Variants in SLC6A13 observed in about 807,000 individuals in gnomAD.
SLC6A13 encodes sodium- and chloride-dependent GABA transporter 2.
A neutral mutation model predicts 72.9 loss-of-function variants in SLC6A13; 69 were observed. That is an observed-to-expected ratio of 0.95 (90% CI 0.78 to 1.16). SLC6A13 has a LOEUF of 1.16. SLC6A13 is among the 50% of genes most tolerant of loss of function. The pLI, the probability that SLC6A13 is intolerant of heterozygous loss-of-function variation, is 0.00. For synonymous variants in SLC6A13, 303 were observed against 303.0 expected (o/e 1.00, Z 0.00); for missense variants, 735 against 760.5 (o/e 0.97, Z 0.39).
intron 12 of SLC6A13, 142 bp from the exon 13 acceptor site, chr12:222,774 G>A (rs1941268629): frequency 1.7e-6 from 1 of 598,252 alleles, no homozygotes; most frequent in Non-Finnish European, 3.0e-6. Context: ...GTCGTTGCTG[G>A]GAAAAAGCTC....
chr12:243,186 T>C (rs1942230551), intron 3 of SLC6A13, among the ~76,000 whole-genome samples: 1 of 152,106 alleles, frequency 6.6e-6, no homozygotes, highest in South Asian at 2.1e-4. Context: ...ATTTTTTGTA[T>C]TTTTTGTATT....
At chr12:241,626 G>A (rs892546642) in intron 4 of SLC6A13, among the ~76,000 whole-genome samples, 8 of 152,222 alleles carry the variant, frequency 5.3e-5, no homozygotes, top group Non-Finnish European at 7.3e-5. Context: ...GGGACTGCCC[G>A]TGAAAGGTAA....
chr12:246,344 A>T (rs1942350193), intron 2 of SLC6A13, among the ~76,000 whole-genome samples: 1 of 152,026 alleles, frequency 6.6e-6, no homozygotes, highest in African/African-American at 2.4e-5. Flanking sequence ...TAAATAAATT[A>T]TCCAGCAACC....
In SLC6A13 at chr12:227,663, C is replaced by T. The variant is rs1408487689; in HGVS notation, c.837G>A (p.Trp279Ter). The change falls in exon 8 of 15, where the codon TGG (tryptophan) becomes TGA (stop). Residue 279 changes from tryptophan to a stop codon, truncating the protein, a stop_gained. Transcript: ENST00000343164. LOFTEE classifies it high-confidence loss of function. Reference protein sequence around the residue: ...NLTRLWDPQVWMDAGTQIFFS... With the variant: ...NLTRLWDPQV ...AGAATATCTGGGTGCCTGCATCCAT[C>T]CACACCTACAAAGGGGAAGGGCAAG... 2 of 1,604,814 alleles carry T rather than the reference C, an allele frequency of 1.2e-6. No individual in the cohort carries two copies. Among genetic ancestry groups the T allele is most frequent in the South Asian group, 2.2e-5 (2 of 89,600 alleles).
chr12:233,328 G>T (rs1941790046), intron 7 of SLC6A13, among the ~76,000 whole-genome samples: 1 of 152,362 alleles, frequency 6.6e-6, no homozygotes, highest in East Asian at 1.9e-4. Flanking sequence ...CCAAAGAGGG[G>T]AAGGTAAGAG....
At position 223,230 on chromosome 12, in the gene SLC6A13, C is replaced by A. The variant is rs779416804; in HGVS notation, c.1316G>T (p.Gly439Val). The A allele has an allele frequency of 1.2e-6, 2 of 1,606,622 alleles. No individual in the cohort carries two copies. Among genetic ancestry groups the A allele is most frequent in the Non-Finnish European group, 1.7e-6 (2 of 1,173,788 alleles). The change falls in exon 12 of 15, where the codon GGA (glycine) becomes GTA (valine). Residue 439 changes from glycine (G) to valine (V), a missense_variant. By Grantham distance (109) the Gly-to-Val change is moderately radical (BLOSUM62 -3). Transcript: ENST00000343164. ...LVGLIMLTEG[G>V]MYVFQLFDYY... ...GTCAAAGAGCTGGAACACGTACATT[C>A]CGCCCTGCATGGGAGGAGATTATTT...
chr12:241,792 C>T (rs575161625), intron 4 of SLC6A13, among the ~76,000 whole-genome samples: 4 of 152,332 alleles, frequency 2.6e-5, no homozygotes, highest in Non-Finnish European at 5.9e-5. Flanking sequence ...ATTTCTATTG[C>T]CATGGGTGGC....
At chr12:228,893 T>A (rs1941588764) in intron 7 of SLC6A13, among the ~76,000 whole-genome samples, 1 of 152,168 alleles carries the variant, frequency 6.6e-6, no homozygotes, top group Non-Finnish European at 1.5e-5. Flanking sequence ...TCCTGGGTGA[T>A]CCTAATGGTC....
chr12:238,391 C>T (rs1278275046), intron 4 of SLC6A13: 21 of 1,270,214 alleles, frequency 1.7e-5, no homozygotes, highest in East Asian at 5.4e-5. Flanking sequence ...TGGCCGAGAG[C>T]GCAGGTTGGA....
intron 7 of SLC6A13, among the ~76,000 whole-genome samples, chr12:233,826 A>T (rs1365009310): frequency 6.6e-6 from 1 of 151,994 alleles, no homozygotes; most frequent in Admixed American, 6.5e-5. Flanking sequence ...AGTGTCAGAC[A>T]CCTTATGACC....
Position 242,739 on chromosome 12 carries a change from G to C in SLC6A13, c.353C>G (p.Ser118Cys), listed in dbSNP as rs757451594. The C allele has an allele frequency of 1.3e-6, 2 of 1,590,540 alleles. No homozygotes were observed. Among genetic ancestry groups the C allele is most frequent in the South Asian group, 2.3e-5 (2 of 87,490 alleles). The change falls in exon 4 of 15, where the codon TCC becomes TGC. Residue 118 changes from serine to cysteine, a missense_variant. Ser to Cys is a moderately radical substitution (Grantham distance 112, BLOSUM62 -1). Transcript: ENST00000343164. ...GTTGAGGAGGATGACGATCATCTGG[G>C]AGGCATAGCCAATGCCTGCGGGGAA... Reference protein sequence around the residue: ...CPIFEGIGYASQMIVILLNVY... With the variant: ...CPIFEGIGYACQMIVILLNVY...
intron 2 of SLC6A13, 21 bp from the exon 3 acceptor site, chr12:243,834 G>C (rs1242845260): frequency 6.2e-7 from 1 of 1,610,984 alleles, no homozygotes; most frequent in African/African-American, 1.3e-5. Context: ...AAAACAGGCT[G>C]TTCATTTCCT....
At chr12:226,296 G>A in intron 9 of SLC6A13, 94 bp downstream of exon 9, 1 of 1,471,654 alleles carries the variant, frequency 6.8e-7, no homozygotes, top group Non-Finnish European at 9.5e-7. Context: ...AGCTCACCCA[G>A]AGTGCAGGTG....
intron 2 of SLC6A13, among the ~76,000 whole-genome samples, chr12:249,211 A>G (rs1942458386): frequency 6.6e-6 from 1 of 152,160 alleles, no homozygotes; most frequent in Non-Finnish European, 1.5e-5. Flanking sequence ...ATCAGAAATT[A>G]TTGCTGAAAT....
intron 5 of SLC6A13, among the ~76,000 whole-genome samples, chr12:237,570 G>A (rs1941980904): frequency 6.6e-6 from 1 of 151,952 alleles, no homozygotes; most frequent in South Asian, 2.1e-4. Context: ...CCTTTTGACA[G>A]CAGGACTCTT....
chr12:238,328 T>G, intron 4 of SLC6A13: 34 of 1,351,834 alleles, frequency 2.5e-5, no homozygotes, highest in Non-Finnish European at 3.3e-5. Flanking sequence ...GTAAGCGTCC[T>G]GTGCAAAGTC....
At position 221,054 on chromosome 12, in the gene SLC6A13, A is replaced by C. The variant is rs543786661; in HGVS notation, c.1703T>G (p.Met568Arg). 6.2e-7 allele frequency: 1 copy of C among 1,608,082 alleles called. No individual in the cohort carries two copies. The highest frequency in any genetic ancestry group is 1.3e-5 in the African/African-American group (1 of 74,828). The change falls in exon 15 of 15, where the codon ATG (methionine) becomes AGG (arginine). Residue 568 changes from methionine (M) to arginine (R), a missense_variant. Transcript: ENST00000343164. Reference protein sequence around the residue: ...GPFRERIRQLMCPAEDLPQRN... With the variant: ...GPFRERIRQLRCPAEDLPQRN... The stretch of plus-strand genomic sequence containing the variant: ...CTGGGGCAGGTCCTCGGCTGGGCAC[A>C]TGAGCTGACGGATTCTCTGCGGGGA...
intron 14 of SLC6A13, 66 bp from the exon 15 acceptor site, chr12:221,136 C>T: frequency 6.6e-7 from 1 of 1,525,760 alleles, no homozygotes; most frequent in Non-Finnish European, 8.8e-7. Flanking sequence ...CTTCCCTCAT[C>T]ACCAACATCT....
chr12:225,658 T>TAA (rs11309524), intron 9 of SLC6A13, among the ~76,000 whole-genome samples: 5 of 140,184 alleles, frequency 3.6e-5, no homozygotes, highest in Admixed American at 1.4e-4. Flanking sequence ...TCAAACAGTT[T>TAA]AAAAAAAAAA....
Sources: allele counts gnomAD v4.1 joint callset (sites outside exome capture counted in the v4.1 genomes callset), GRCh38; gene constraint gnomAD v4.1.1; transcripts MANE v1.5; gene names NCBI Gene and HGNC (gene_info 2026-07-23, HGNC 2026-07-21).